The following KSR2 variants were observed in gnomAD, a reference collection of about 807,000 sequenced individuals.
KSR2 encodes the protein kinase suppressor of ras 2.
A neutral mutation model predicts 107.8 loss-of-function variants in KSR2; 25 were observed. The ratio of observed to expected loss-of-function variants is 0.23; its 90% confidence interval spans 0.17 to 0.32. The LOEUF (loss-of-function observed/expected upper bound fraction) is 0.32. Ranked by LOEUF, KSR2 falls within the 10% of genes least tolerant of loss-of-function variation. The probability of loss-of-function intolerance (pLI) is 1.00; values close to 1 mark genes in which losing one functional copy is unlikely to be tolerated. For missense variants in KSR2, 887 were observed against 1,268.9 expected, an observed-to-expected ratio of 0.70 and a Z score of 4.57; for synonymous variants, 480 against 507.0, an observed-to-expected ratio of 0.95 and a Z score of 0.71.
rs1473651111 is a variant in KSR2, at chr12:117,465,271, G to A, written c.*1928C>T. Reference sequence around the variant, plus strand: ...TCCCCAGCAACCCCAGAGTGGCTGGGGCTCAGGCAAACATATATAAAATGC... The same window carrying A: ...TCCCCAGCAACCCCAGAGTGGCTGGAGCTCAGGCAAACATATATAAAATGC... On this transcript the variant is annotated 3_prime_UTR_variant, in exon 20 of 20. Coordinates refer to ENST00000339824, the MANE Select transcript of KSR2 (RefSeq NM_173598.6). 1 of 152,194 alleles carries A rather than the reference G, an allele frequency of 6.6e-6. No individual in the cohort carries two copies. Among genetic ancestry groups the A allele is most frequent in the African/African-American group, 2.4e-5 (1 of 41,412 alleles). 9.4% of individuals were successfully genotyped at this position (152,194 alleles called of 1,614,324 possible). A position where few individuals can be genotyped will look rare whatever the true frequency, so the allele number is the denominator to read the frequency against.
chr12:117,697,312 C>A (rs866192255), intron 4 of KSR2, among the ~76,000 whole-genome samples: 1 of 152,188 alleles, frequency 6.6e-6, no homozygotes, highest in Admixed American at 6.5e-5. Context: ...CCTCCTCCAC[C>A]CCCAGAGGGC....
intron 5 of KSR2, among the ~76,000 whole-genome samples, chr12:117,639,169 T>C (rs989090481): frequency 7.2e-5 from 11 of 152,288 alleles, no homozygotes; most frequent in African/African-American, 2.2e-4. Flanking sequence ...TCTTAAATTT[T>C]GCATCCAAGG....
intron 1 of KSR2, among the ~76,000 whole-genome samples, chr12:117,884,986 A>C (rs1306750453): frequency 6.6e-6 from 1 of 152,216 alleles, no homozygotes; most frequent in East Asian, 1.9e-4. Context: ...GCAGCAGGTA[A>C]CACCAGAGGA....
intron 3 of KSR2, among the ~76,000 whole-genome samples, chr12:117,794,734 CTT>C (rs1265459554): frequency 5.9e-5 from 9 of 151,956 alleles, no homozygotes; most frequent in Admixed American, 1.3e-4. Context: ...TATGCACACA[CTT>C]ATACCAACAT....
rs1593299568 is a variant in KSR2 at position 117,846,953 on chromosome 12, G to A, written c.472+8475C>T. On this transcript the variant is annotated intron_variant, in intron 3 of 19. Transcript: ENST00000339824. ...CTGACACAGGGGGAGTTCCAACCGT[G>A]TTTACAGAATGAATGAATGGAGCCA... is the stretch of plus-strand genomic sequence containing the variant. Among the ~76,000 whole-genome samples, 3 of 152,212 alleles carry A rather than the reference G, an allele frequency of 2.0e-5. No individual in the cohort carries two copies. In the East Asian group the frequency reaches 5.8e-4, roughly 29 times the overall value.
At chr12:117,722,571 C>T (rs528702918) in intron 4 of KSR2, among the ~76,000 whole-genome samples, 40 of 152,206 alleles carry the variant, frequency 2.6e-4, no homozygotes, top group Non-Finnish European at 5.6e-4. Flanking sequence ...TGACAGTTTA[C>T]AAATGCCATG....
intron 4 of KSR2, among the ~76,000 whole-genome samples, chr12:117,757,608 C>G (rs1888841463): frequency 6.6e-6 from 1 of 152,194 alleles, no homozygotes; most frequent in Non-Finnish European, 1.5e-5. Flanking sequence ...GAAATTGTCA[C>G]AATCAGCCCA....
At chr12:117,872,115 C>A (rs966050500) in intron 1 of KSR2, among the ~76,000 whole-genome samples, 2 of 152,176 alleles carry the variant, frequency 1.3e-5, no homozygotes, top group African/African-American at 2.4e-5. Flanking sequence ...AGGCATTCTG[C>A]TACGTACTTG....
At position 117,709,475 on chromosome 12, in the gene KSR2, C is replaced by CA. The variant is rs754586682; in HGVS notation, c.987-41818dup. Among the ~76,000 whole-genome samples the CA allele has an allele frequency of 6.4e-4, 98 of 152,212 alleles. 1 individual carries two copies. The highest frequency in any genetic ancestry group is 2.2e-3 in the African/African-American group (93 of 41,534). On this transcript the variant is annotated intron_variant, in intron 4 of 19. Coordinates refer to ENST00000339824, the MANE Select transcript of KSR2 (RefSeq NM_173598.6). ...AGTAGCTGGGTCTATGGGCATGCAC[C>CA]ACCATGCCTGGCTTATTTTTTTACT...
At chr12:117,877,119 T>C (rs908110391) in intron 1 of KSR2, among the ~76,000 whole-genome samples, 12 of 152,158 alleles carry the variant, frequency 7.9e-5, no homozygotes, top group African/African-American at 2.9e-4. Context: ...GGTGGATCAC[T>C]TGAGGTCAGG....
chr12:117,863,073 A>C (rs1280295692), intron 1 of KSR2, among the ~76,000 whole-genome samples: 1 of 152,104 alleles, frequency 6.6e-6, no homozygotes, highest in African/African-American at 2.4e-5. Flanking sequence ...ACTTTCTTTC[A>C]AGGAACCTCC....
intron 1 of KSR2, among the ~76,000 whole-genome samples, chr12:117,934,338 C>A (rs371296205): frequency 4.6e-5 from 7 of 152,090 alleles, no homozygotes; most frequent in South Asian, 2.1e-4. Flanking sequence ...GCACTCCTGG[C>A]TGGTGAATAG....
rs1303007846 is a variant in KSR2 at position 117,463,197 on chromosome 12, A to T, written c.*4002T>A. ...ATATCACACAGGCCAAGCAGTCAAC[A>T]TCTGCTCCACCCTATCCAAGGACAG... On this transcript the variant is annotated 3_prime_UTR_variant, in exon 20 of 20. Coordinates refer to ENST00000339824, the MANE Select transcript of KSR2 (RefSeq NM_173598.6). The T allele has an allele frequency of 1.3e-5, 2 of 152,226 alleles. No homozygotes were observed. Among genetic ancestry groups the T allele is most frequent in the African/African-American group, 4.8e-5 (2 of 41,468 alleles). The allele number at this position is 152,226 out of a possible 1,614,324, so 9.4% of individuals were successfully genotyped here.
intron 3 of KSR2, among the ~76,000 whole-genome samples, chr12:117,787,881 C>T (rs780565955): frequency 5.9e-5 from 9 of 152,214 alleles, no homozygotes; most frequent in Non-Finnish European, 1.2e-4. Context: ...CCAGAAAATT[C>T]TTGAGATACC....
At chr12:117,918,901 T>C (rs1304368788) in intron 1 of KSR2, among the ~76,000 whole-genome samples, 7 of 152,148 alleles carry the variant, frequency 4.6e-5, no homozygotes, top group Admixed American at 4.6e-4. Flanking sequence ...GGCCAGGACT[T>C]TAAGACCAGC....
chr12:117,854,907 T>A (rs1236175202), intron 3 of KSR2, among the ~76,000 whole-genome samples: 1 of 152,166 alleles, frequency 6.6e-6, no homozygotes. Context: ...TATGTGTGGA[T>A]AATTCTATTT....
intron 4 of KSR2, among the ~76,000 whole-genome samples, chr12:117,730,559 GC>G (rs35625029): frequency 0.012 from 1,805 of 151,918 alleles, 23 homozygotes; most frequent in Non-Finnish European, 0.018. Context: ...CTGATGCTGA[GC>G]CGAGGCTGGA....
intron 7 of KSR2, among the ~76,000 whole-genome samples, chr12:117,571,980 C>A (rs185763129): frequency 6.6e-6 from 1 of 152,144 alleles, no homozygotes. Flanking sequence ...CTCCCACCCC[C>A]ATCCTATCCC....
chr12:117,505,378 C>G (rs1873616254), intron 14 of KSR2, among the ~76,000 whole-genome samples: 1 of 152,222 alleles, frequency 6.6e-6, no homozygotes, highest in South Asian at 2.1e-4. Flanking sequence ...CGCCCTCCCT[C>G]CAAGACCAAA....
Sources: gnomAD v4.1 joint callset for allele counts (sites outside exome capture counted in the v4.1 genomes callset) on GRCh38, gnomAD v4.1.1 for gene constraint, MANE v1.5 for transcripts, NCBI Gene and HGNC (gene_info 2026-07-23, HGNC 2026-07-21) for gene names.